ITGAE: variants seen among roughly 807,000 people sequenced by gnomAD.
The protein encoded by ITGAE is integrin alpha-E.
In ITGAE, 99 loss-of-function variants were observed where a neutral mutation model predicts 136.5. The observed-to-expected ratio is 0.73, with a 90% CI of 0.62 to 0.86. The LOEUF (loss-of-function observed/expected upper bound fraction) is 0.86, where lower values mean the gene tolerates loss of function less well. ITGAE is among the 40% of genes least tolerant of loss of function. The probability of loss-of-function intolerance (pLI) is 0.00; values close to 1 mark genes in which losing one functional copy is unlikely to be tolerated. For missense variants in ITGAE, 1,447 were observed against 1,515.3 expected (o/e 0.95, Z 0.75); for synonymous variants, 613 against 591.8 (o/e 1.04, Z -0.52).
chr17:3,728,104 C>G lies in ITGAE; in HGVS notation c.2976+1G>C, dbSNP rs986003337. 1 of 1,610,846 alleles carries G rather than the reference C, an allele frequency of 6.2e-7. No individual in the cohort carries two copies. Among genetic ancestry groups the G allele is most frequent in the Non-Finnish European group, 8.5e-7 (1 of 1,177,116 alleles). ...ACAGCTTTACAATAATAAGTACTTACATGGAAGAGGAATTCTTTGTGGTGA... is the reference window on the plus strand; with the variant it reads ...ACAGCTTTACAATAATAAGTACTTAGATGGAAGAGGAATTCTTTGTGGTGA... On this transcript the variant is annotated splice_donor_variant, in intron 25 of 30. Transcript: ENST00000263087. LOFTEE classifies it high-confidence loss of function.
At chr17:3,755,572 G>A (rs1411712051) in intron 11 of ITGAE, among the ~76,000 whole-genome samples, 1 of 152,208 alleles carries the variant, frequency 6.6e-6, no homozygotes, top group African/African-American at 2.4e-5. Context: ...AGAAAAAAGC[G>A]ACCTCCTGTC....
At chr17:3,736,598 G>T (rs2143012672) in intron 20 of ITGAE, among the ~76,000 whole-genome samples, 1 of 152,270 alleles carries the variant, frequency 6.6e-6, no homozygotes, top group South Asian at 2.1e-4. Context: ...TTTAAGACAT[G>T]GGTCCACATG....
At chr17:3,761,583 A>G in intron 4 of ITGAE, 63 bp from the exon 5 acceptor site, 1 of 1,445,644 alleles carries the variant, frequency 6.9e-7, no homozygotes. Context: ...AGCCACAGCC[A>G]CATTCTCACC....
In ITGAE at chr17:3,755,135, C is replaced by T. The variant is rs1353012833; in HGVS notation, c.1366G>A (p.Ala456Thr). 4 of 1,533,316 alleles carry T rather than the reference C, an allele frequency of 2.6e-6. No individual in the cohort carries two copies. The South Asian group carries it at 3.4e-5, about 13-fold the overall frequency. 95.0% of individuals were successfully genotyped at this position (1,533,316 alleles called of 1,614,324 possible). Residue 456 changes from alanine (A) to threonine (T), a missense_variant, in exon 12 of 31, where the codon GCG becomes ACG. Physicochemically the swap from Ala to Thr is moderately conservative, Grantham distance 58. Transcript: ENST00000263087. Reference protein sequence around the residue: ...TAAAAADAEAAQYSYLGYAVA... With the variant: ...TAAAAADAEATQYSYLGYAVA... ...CCCTCACCCAGGTAGCTGTACTGCG[C>T]AGCCTCCGCGTCTGCCGCCGCCGCC...
intron 22 of ITGAE, 98 bp downstream of exon 22, chr17:3,732,270 A>G: frequency 1.1e-6 from 1 of 927,014 alleles, no homozygotes; most frequent in Non-Finnish European, 1.8e-6. Flanking sequence ...AGTCAAGCGA[A>G]GCGCAAAGCT....
At chr17:3,783,989 G>A (rs867816913) in intron 1 of ITGAE, among the ~76,000 whole-genome samples, 30 of 152,352 alleles carry the variant, frequency 2.0e-4, no homozygotes, top group Middle Eastern at 6.8e-3. Flanking sequence ...AGCGGGGCGC[G>A]GCGGCTCACG....
chr17:3,724,948 G>A (rs1301078889), intron 26 of ITGAE: 11 of 1,613,778 alleles, frequency 6.8e-6, no homozygotes, highest in South Asian at 5.5e-5. Flanking sequence ...AGATCAAGCC[G>A]GAAGAGCAAA....
chr17:3,776,962 C>CTTTT, intron 2 of ITGAE, among the ~76,000 whole-genome samples: 1 of 138,064 alleles, frequency 7.2e-6, no homozygotes, highest in African/African-American at 2.7e-5. Context: ...TTAAAATTGT[C>CTTTT]TTTTTTTTTT....
At position 3,757,759 on chromosome 17, in the gene ITGAE, T is replaced by C. The variant is rs2052064887; in HGVS notation, c.967A>G (p.Thr323Ala). Residue 323 changes from threonine (T) to alanine (A), a missense_variant, in exon 9 of 31, where the codon ACG (threonine) becomes GCG (alanine). Thr to Ala is a moderately conservative substitution (Grantham distance 58). Transcript: ENST00000263087. ...GGIFEDPLNL[T>A]TVINSPKMQG... ...ATTTTGGGGGAGTTGATGACTGTCG[T>C]AAGGTTGAGGGGGTCCTCGAATATG... 1 of 1,613,968 alleles carries C rather than the reference T, an allele frequency of 6.2e-7. No individual in the cohort carries two copies. The highest frequency in any genetic ancestry group is 1.7e-5 in the Admixed American group (1 of 59,982).
At chr17:3,731,703 C>G (rs1352109853) in intron 22 of ITGAE, among the ~76,000 whole-genome samples, 1 of 152,036 alleles carries the variant, frequency 6.6e-6, no homozygotes, top group Non-Finnish European at 1.5e-5. Context: ...GGCCTCATTC[C>G]CCTTTTACAG....
intron 19 of ITGAE, among the ~76,000 whole-genome samples, chr17:3,740,161 T>C (rs186939828): frequency 6.6e-6 from 1 of 152,270 alleles, no homozygotes; most frequent in African/African-American, 2.4e-5. Context: ...ATGTTAGGGG[T>C]GCCCATGACA....
At chr17:3,785,888 C>T (rs1567557559) in intron 1 of ITGAE, among the ~76,000 whole-genome samples, 1 of 151,762 alleles carries the variant, frequency 6.6e-6, no homozygotes, top group Non-Finnish European at 1.5e-5. Flanking sequence ...AATAGAGGGG[C>T]CAGGCGAGGT....
At chr17:3,789,504 TG>T (rs1477777944) in intron 1 of ITGAE, among the ~76,000 whole-genome samples, 2 of 149,822 alleles carry the variant, frequency 1.3e-5, no homozygotes, top group Non-Finnish European at 3.0e-5. Context: ...TCTTTTTTTT[TG>T]TTTTTTGTTT....
At chr17:3,797,264 C>T (rs1227274921) in intron 1 of ITGAE, among the ~76,000 whole-genome samples, 1 of 147,460 alleles carries the variant, frequency 6.8e-6, no homozygotes, top group Non-Finnish European at 1.5e-5. Flanking sequence ...CTCCCGGGTT[C>T]ACGCCATTCT....
intron 12 of ITGAE, among the ~76,000 whole-genome samples, chr17:3,754,264 T>TTTTATTTA (rs954690908): frequency 8.6e-5 from 13 of 151,924 alleles, no homozygotes; most frequent in African/African-American, 2.4e-4. Flanking sequence ...CTATTATTAT[T>TTTTATTTA]TTTATTTATT....
At chr17:3,731,963 C>T (rs1330428405) in intron 22 of ITGAE, among the ~76,000 whole-genome samples, 1 of 152,040 alleles carries the variant, frequency 6.6e-6, no homozygotes, top group Non-Finnish European at 1.5e-5. Context: ...GTAATCCCAG[C>T]TACTCAGGAG....
intron 23 of ITGAE, among the ~76,000 whole-genome samples, chr17:3,730,204 C>T (rs184334756): frequency 4.6e-5 from 7 of 152,068 alleles, no homozygotes; most frequent in Admixed American, 2.0e-4. Flanking sequence ...GCCTGTAATC[C>T]CAGTGCTTTG....
intron 1 of ITGAE, among the ~76,000 whole-genome samples, chr17:3,784,615 A>C (rs973345759): frequency 1.3e-5 from 2 of 151,982 alleles, no homozygotes; most frequent in African/African-American, 2.4e-5. Flanking sequence ...GGATGGTCTC[A>C]ATCTCTTGAC....
intron 2 of ITGAE, among the ~76,000 whole-genome samples, chr17:3,769,558 AC>A (rs1399120535): frequency 2.0e-5 from 3 of 152,152 alleles, no homozygotes; most frequent in Non-Finnish European, 4.4e-5. Context: ...CCATTGACCC[AC>A]CAGCTCTGAC....
Sources: allele counts gnomAD v4.1 joint callset (sites outside exome capture counted in the v4.1 genomes callset), GRCh38; gene constraint gnomAD v4.1.1; transcripts MANE v1.5; gene names NCBI Gene and HGNC (gene_info 2026-07-23, HGNC 2026-07-21).